MARK2: variants seen among roughly 807,000 people sequenced by gnomAD.
MARK2 encodes serine/threonine-protein kinase MARK2.
MARK2 carries 16 observed loss-of-function variants against 89.8 expected under a neutral mutation model. The observed-to-expected ratio is 0.18, with a 90% CI of 0.12 to 0.27. The LOEUF (loss-of-function observed/expected upper bound fraction) is 0.27. MARK2 is among the 10% of genes least tolerant of loss of function. MARK2 has a pLI of 1.00. For missense variants in MARK2, 621 were observed against 1,049.9 expected (o/e 0.59, Z 5.65); for synonymous variants, 382 against 399.5 (o/e 0.96, Z 0.52).
intron 1 of MARK2, among the ~76,000 whole-genome samples, chr11:63,867,214 G>C (rs1938186131): frequency 6.6e-6 from 1 of 152,196 alleles, no homozygotes; most frequent in Non-Finnish European, 1.5e-5. Flanking sequence ...TTTTTGTAGA[G>C]ACAGGGTTTC....
Position 63,899,915 on chromosome 11 carries a change from T to A in MARK2, c.573T>A (p.Ile191=). 6.2e-7 allele frequency: 1 copy of A among 1,614,210 alleles called. No individual in the cohort carries two copies. The highest frequency in any genetic ancestry group is 8.5e-7 in the Non-Finnish European group (1 of 1,180,040). ...LLLDADMNIK[I]ADFGFSNEFT... The stretch of plus-strand genomic sequence containing the variant: ...TGGATGCTGATATGAACATCAAGAT[T>A]GCAGACTTTGGCTTCAGCAATGAAT... Residue 191 remains isoleucine, a synonymous_variant, in exon 8 of 19, where the codon ATT becomes ATA. Transcript: ENST00000402010.
At chr11:63,863,644 A>T (rs1937949397) in intron 1 of MARK2, among the ~76,000 whole-genome samples, 1 of 151,590 alleles carries the variant, frequency 6.6e-6, no homozygotes, top group Non-Finnish European at 1.5e-5. Flanking sequence ...TTGTATATTT[A>T]GTAGACACAG....
intron 1 of MARK2, among the ~76,000 whole-genome samples, chr11:63,852,414 C>A (rs1590971913): frequency 6.6e-6 from 1 of 152,044 alleles, no homozygotes; most frequent in Admixed American, 6.5e-5. Context: ...GTAAAACTTG[C>A]TTGTAAAAAC....
chr11:63,902,941 C>A lies in MARK2; in HGVS notation c.1417-120C>A. 1.8e-6 allele frequency: 2 copies of A among 1,086,378 alleles called. No homozygotes were observed. Among genetic ancestry groups the A allele is most frequent in the Non-Finnish European group, 2.8e-6 (2 of 715,700 alleles). The allele number at this position is 1,086,378 out of a possible 1,614,324, so 67.3% of individuals were successfully genotyped here. A position where few individuals can be genotyped will look rare whatever the true frequency, so the allele number is the denominator to read the frequency against. On this transcript the variant is annotated intron_variant, in intron 13 of 18. Coordinates refer to ENST00000402010, the MANE Select transcript of MARK2 (RefSeq NM_001039469.3). This position sits in a 1 kb window ranked among gnomAD's most constrained non-coding sequence, Gnocchi z 4.2. ...AGTAAATGCAGAATCCTTTCCTTAA[C>A]CTACCACTGTCTGCTTCAGGTGGAA...
At chr11:63,848,229 C>T (rs1414156943) in intron 1 of MARK2, among the ~76,000 whole-genome samples, 2 of 152,208 alleles carry the variant, frequency 1.3e-5, no homozygotes, top group Non-Finnish European at 2.9e-5. Flanking sequence ...TACCTGCTGA[C>T]AGAGCTCCAG....
intron 17 of MARK2, 62 bp from the exon 18 acceptor site, chr11:63,908,198 C>T: frequency 6.8e-7 from 1 of 1,464,388 alleles, no homozygotes; most frequent in Non-Finnish European, 9.4e-7. Flanking sequence ...TCATCTGGGT[C>T]TGTGGCGGCG....
At position 63,904,766 on chromosome 11, in the gene MARK2, C is replaced by T; in HGVS notation, c.1677-20C>T. On this transcript the variant is annotated intron_variant, in intron 15 of 18. Coordinates refer to ENST00000402010, the MANE Select transcript of MARK2 (RefSeq NM_001039469.3). The surrounding 1 kb of genome is among the most constrained non-coding windows in gnomAD (Gnocchi z 6.3). Reference sequence around the variant, plus strand: ...CTGTACCCTAATTCGTCCCCCTCAACCCCACTTCTCTTCCCACAGCACAGC... The same window carrying T: ...CTGTACCCTAATTCGTCCCCCTCAATCCCACTTCTCTTCCCACAGCACAGC... The T allele has an allele frequency of 6.2e-7, 1 of 1,610,678 alleles. No individual in the cohort carries two copies. The highest frequency in any genetic ancestry group is 1.3e-5 in the African/African-American group (1 of 74,998).
At position 63,860,571 on chromosome 11, in the gene MARK2, T is replaced by TA. The variant is rs1261417106; in HGVS notation, c.54+21017dup. On this transcript the variant is annotated intron_variant, in intron 1 of 18. Coordinates refer to ENST00000402010, the MANE Select transcript of MARK2 (RefSeq NM_001039469.3). ...TCAAAAAAAAAAAAATAAATAGAAA[T>TA]AAAAAAGCCAGGCACAGTGGCCCAC... 9.3e-5 allele frequency among the ~76,000 whole-genome samples: 11 copies of TA among 118,898 alleles called. No individual in the cohort carries two copies. The East Asian group carries it at 2.3e-3, about 25-fold the overall frequency. The allele number at this position is 118,898 out of a possible 152,430, so 78.0% of individuals were successfully genotyped here.
intron 1 of MARK2, among the ~76,000 whole-genome samples, chr11:63,852,404 G>T (rs2016616013): frequency 6.6e-6 from 1 of 152,036 alleles, no homozygotes; most frequent in Non-Finnish European, 1.5e-5. Context: ...AGTACTACTT[G>T]TAAAACTTGC....
rs1940749640 is a variant in MARK2 at position 63,900,222 on chromosome 11, A to C, written c.768+112A>C. 1 of 835,450 alleles carries C rather than the reference A, an allele frequency of 1.2e-6. No homozygotes were observed. The highest frequency in any genetic ancestry group is 2.0e-6 in the Non-Finnish European group (1 of 507,296). 51.8% of individuals were successfully genotyped at this position (835,450 alleles called of 1,614,324 possible). A position where few individuals can be genotyped will look rare whatever the true frequency, so the allele number is the denominator to read the frequency against. ...TACATTTGTCCCAAGCCAAAGCTTCAGAGAAGGGCTTGCTGAGGTAGCAGC... is the reference window on the plus strand; with the variant it reads ...TACATTTGTCCCAAGCCAAAGCTTCCGAGAAGGGCTTGCTGAGGTAGCAGC... On this transcript the variant is annotated intron_variant, in intron 8 of 18. Transcript: ENST00000402010. The surrounding 1 kb of genome is among the most constrained non-coding windows in gnomAD (Gnocchi z 4.7).
intron 1 of MARK2, among the ~76,000 whole-genome samples, chr11:63,872,767 A>T (rs1938528090): frequency 6.6e-6 from 1 of 152,002 alleles, no homozygotes; most frequent in South Asian, 2.1e-4. Flanking sequence ...TAGTGCCCAG[A>T]GATTGGAGCT....
chr11:63,892,663 G>C (rs936088672), intron 1 of MARK2, among the ~76,000 whole-genome samples: 3 of 151,198 alleles, frequency 2.0e-5, no homozygotes, highest in Non-Finnish European at 4.4e-5. Context: ...TGGAGCGATC[G>C]CTCCAGATGT....
At chr11:63,877,100 CTTTTTTTT>C (rs757123411) in intron 1 of MARK2, among the ~76,000 whole-genome samples, 4 of 79,470 alleles carry the variant, frequency 5.0e-5, no homozygotes, top group African/African-American at 1.9e-4. Context: ...CAATCAGACT[CTTTTTTTT>C]TTTTTTTTTT....
chr11:63,877,449 T>C (rs1938835653), intron 1 of MARK2, among the ~76,000 whole-genome samples: 1 of 152,124 alleles, frequency 6.6e-6, no homozygotes, highest in Admixed American at 6.5e-5. Context: ...ATGAATTAAG[T>C]ATAAAAAGTG....
Position 63,902,040 on chromosome 11 carries a change from C to T in MARK2, c.1102-158C>T, listed in dbSNP as rs1342755181. On this transcript the variant is annotated intron_variant, in intron 11 of 18. Coordinates refer to ENST00000402010, the MANE Select transcript of MARK2 (RefSeq NM_001039469.3). This position sits in a 1 kb window ranked among gnomAD's most constrained non-coding sequence, Gnocchi z 4.2. ...GTCAGAGCATGTGTGTCTCCAGGGT[C>T]TCCTCCAGGGGGGATGTATTGGTCT... Among the ~76,000 whole-genome samples the T allele has an allele frequency of 6.6e-6, 1 of 152,068 alleles. No homozygotes were observed.
At chr11:63,896,978 A>G (rs1409846146) in intron 3 of MARK2, among the ~76,000 whole-genome samples, 3 of 152,142 alleles carry the variant, frequency 2.0e-5, no homozygotes. Flanking sequence ...AGGCACCAAC[A>G]CCAGACAAAT....
chr11:63,856,312 T>G (rs1401823866), intron 1 of MARK2, among the ~76,000 whole-genome samples: 1 of 95,738 alleles, frequency 1.0e-5, no homozygotes, highest in South Asian at 3.2e-4. Flanking sequence ...CTGTGGGTTT[T>G]TTTTTTTTGT....
chr11:63,847,560 G>A (rs2016345513), intron 1 of MARK2, among the ~76,000 whole-genome samples: 1 of 152,188 alleles, frequency 6.6e-6, no homozygotes, highest in South Asian at 2.1e-4. Context: ...TGGGAAGTTG[G>A]CAATACAAAG....
At chr11:63,906,831 C>G (rs1362103576) in intron 17 of MARK2, among the ~76,000 whole-genome samples, 7 of 151,168 alleles carry the variant, frequency 4.6e-5, no homozygotes, top group Non-Finnish European at 1.0e-4. Flanking sequence ...ACCCCTGCCC[C>G]AGCACCCCTG....
Sources: allele counts gnomAD v4.1 joint callset (sites outside exome capture counted in the v4.1 genomes callset), GRCh38; gene constraint gnomAD v4.1.1; non-coding constraint Gnocchi (gnomAD v3.1); transcripts MANE v1.5; gene names NCBI Gene and HGNC (gene_info 2026-07-23, HGNC 2026-07-21).